Variants in GPSM1 observed in about 807,000 individuals in gnomAD.
GPSM1 encodes G protein signaling modulator 1, also known as G protein-signaling modulator 1.
A neutral mutation model predicts 70.5 loss-of-function variants in GPSM1; 48 were observed. That is an observed-to-expected ratio of 0.68 (90% CI 0.54 to 0.87). The LOEUF (loss-of-function observed/expected upper bound fraction) is 0.87. GPSM1 is among the 40% of genes least tolerant of loss of function. GPSM1 has a pLI of 0.00. For missense variants in GPSM1, 981 were observed against 972.6 expected (o/e 1.01, Z -0.11); for synonymous variants, 416 against 430.1 (o/e 0.97, Z 0.41).
chr9:136,349,931 G>C (rs1239552134), intron 11 of GPSM1, among the ~76,000 whole-genome samples, 168 bp downstream of exon 11: 4 of 152,210 alleles, frequency 2.6e-5, no homozygotes, highest in African/African-American at 9.6e-5. Context: ...CCCGGTGGGG[G>C]CTCTGGGCAG....
At position 136,358,857 on chromosome 9, in the gene GPSM1, G is replaced by A. The variant is rs1302719366; in HGVS notation, c.*637G>A. On this transcript the variant is annotated 3_prime_UTR_variant, in exon 14 of 14. Coordinates refer to ENST00000440944, the MANE Select transcript of GPSM1 (RefSeq NM_001145638.3). ...CAGGGCCCTGCAGGGGCCTCGACAG[G>A]AGCCGGGCCTATCTCTAAAGCAGAG... 6.5e-6 allele frequency: 1 copy of A among 153,578 alleles called. No homozygotes were observed. Among genetic ancestry groups the A allele is most frequent in the Non-Finnish European group, 1.4e-5 (1 of 69,074 alleles). The allele number at this position is 153,578 out of a possible 1,614,324, so 9.5% of individuals were successfully genotyped here.
intron 13 of GPSM1, among the ~76,000 whole-genome samples, chr9:136,357,235 AG>A (rs1389139158): frequency 5.3e-5 from 8 of 152,174 alleles, no homozygotes; most frequent in Non-Finnish European, 1.5e-5. Context: ...GAAGGGGTTC[AG>A]GGTCCGTAGA....
Position 136,358,291 on chromosome 9 carries a change from C to A in GPSM1, c.*71C>A. On this transcript the variant is annotated 3_prime_UTR_variant, in exon 14 of 14. Transcript: ENST00000440944. ...GCCGGTCTCACAGTCACAGCCACGT[C>A]CTCCCGAGGCCATTGCCGAGGACAG... 1 of 1,320,404 alleles carries A rather than the reference C, an allele frequency of 7.6e-7. No individual in the cohort carries two copies. The allele number at this position is 1,320,404 out of a possible 1,614,324, so 81.8% of individuals were successfully genotyped here.
intron 11 of GPSM1, among the ~76,000 whole-genome samples, chr9:136,354,482 T>C (rs1832758061): frequency 6.6e-6 from 1 of 152,226 alleles, no homozygotes; most frequent in Non-Finnish European, 1.5e-5. Context: ...ATTGCGTCTC[T>C]TGTTAACTCG....
chr9:136,331,378 C>G (rs1236874918), intron 1 of GPSM1, among the ~76,000 whole-genome samples: 2 of 149,640 alleles, frequency 1.3e-5, no homozygotes, highest in African/African-American at 4.9e-5. Flanking sequence ...CCCCCCCCCG[C>G]TGCCCCATGC....
chr9:136,338,085 TG>T, intron 6 of GPSM1, 124 bp downstream of exon 6: 1 of 677,436 alleles, frequency 1.5e-6, no homozygotes, highest in Non-Finnish European at 2.5e-6. Flanking sequence ...GAAGGCAAGG[TG>T]GGGTTCTAGG....
At chr9:136,350,371 T>C (rs551647870) in intron 11 of GPSM1, among the ~76,000 whole-genome samples, 12 of 152,244 alleles carry the variant, frequency 7.9e-5, no homozygotes, top group African/African-American at 2.9e-4. Context: ...CTGGGATCTC[T>C]GACACCTGGC....
intron 9 of GPSM1, among the ~76,000 whole-genome samples, chr9:136,344,187 C>G (rs1316979955): frequency 6.1e-5 from 3 of 49,072 alleles, no homozygotes; most frequent in Non-Finnish European, 1.1e-4. Context: ...CGGACAGGAG[C>G]GGGGGGAGGC....
At chr9:136,332,434 G>A (rs111368544) in intron 1 of GPSM1, among the ~76,000 whole-genome samples, 25 of 152,362 alleles carry the variant, frequency 1.6e-4, no homozygotes, top group African/African-American at 3.4e-4. Context: ...GAAGGGAGGC[G>A]GGAGGTGGCT....
chr9:136,337,999 C>A, intron 6 of GPSM1, 38 bp downstream of exon 6: 2 of 1,363,230 alleles, frequency 1.5e-6, no homozygotes, highest in Non-Finnish European at 2.1e-6. Flanking sequence ...AGACAGCAGG[C>A]CGGGGGGGCT....
chr9:136,344,044 G>A (rs868941396), intron 9 of GPSM1, among the ~76,000 whole-genome samples: 1 of 152,196 alleles, frequency 6.6e-6, no homozygotes. Flanking sequence ...GCTGAGCCGC[G>A]TCCAGCAGCT....
intron 1 of GPSM1, 27 bp from the exon 2 acceptor site, chr9:136,334,420 G>C (rs781910917): frequency 1.3e-6 from 2 of 1,583,780 alleles, no homozygotes; most frequent in Non-Finnish European, 1.7e-6. Flanking sequence ...CCAGGGCTGG[G>C]CCATGACGCC....
rs563511997 is a variant in GPSM1 at position 136,340,326 on chromosome 9, G to C, written c.1083+511G>C. ...GAGAGGGGCGGGCATGGGAAGGTCA[G>C]CAGAGCCCTCGTCTGAAGAGCTTCA... On this transcript the variant is annotated intron_variant, in intron 8 of 13. Coordinates refer to ENST00000440944, the MANE Select transcript of GPSM1 (RefSeq NM_001145638.3). The surrounding 1 kb of genome is among the most constrained non-coding windows in gnomAD (Gnocchi z 7.3). 6.6e-6 allele frequency among the ~76,000 whole-genome samples: 1 copy of C among 152,240 alleles called. No individual in the cohort carries two copies. The highest frequency in any genetic ancestry group is 2.1e-4 in the South Asian group (1 of 4,820).
At position 136,348,826 on chromosome 9, in the gene GPSM1, G is replaced by A. The variant is rs1832588530; in HGVS notation, c.1278+59G>A. The A allele has an allele frequency of 1.2e-5, 16 of 1,325,876 alleles. No individual in the cohort carries two copies. The South Asian group carries it at 1.6e-4, about 13-fold the overall frequency. The allele number at this position is 1,325,876 out of a possible 1,614,324, so 82.1% of individuals were successfully genotyped here. A position where few individuals can be genotyped will look rare whatever the true frequency, so the allele number is the denominator to read the frequency against. ...GCCGCTGCCAGAGCATGGGCAGCGGGGTTAATGAGGCAGAGCCACCGCCAC... is the reference window on the plus strand; with the variant it reads ...GCCGCTGCCAGAGCATGGGCAGCGGAGTTAATGAGGCAGAGCCACCGCCAC... On this transcript the variant is annotated intron_variant, in intron 10 of 13. Coordinates refer to ENST00000440944, the MANE Select transcript of GPSM1 (RefSeq NM_001145638.3).
Position 136,339,704 on chromosome 9 carries a change from C to T in GPSM1, c.975-3C>T. 5 of 1,545,716 alleles carry T rather than the reference C, an allele frequency of 3.2e-6. No individual in the cohort carries two copies. The highest frequency in any genetic ancestry group is 4.4e-6 in the Non-Finnish European group (5 of 1,142,784). On this transcript the variant is annotated splice_region_variant and splice_polypyrimidine_tract_variant and intron_variant, in intron 7 of 13. Transcript: ENST00000440944. The stretch of plus-strand genomic sequence containing the variant: ...GTATGAATCTGGTCTCCCTCTCTGG[C>T]AGAGTGGGCGAGGGCCGGGCGTGCT...
chr9:136,354,191 G>A lies in GPSM1; in HGVS notation c.1456-1499G>A, dbSNP rs529467545. ...CTCTCCTAAAACAGGGCTGTCCACAGGGCCCTCGGCTCAGCTCAAGGGTCT... is the reference window on the plus strand; with the variant it reads ...CTCTCCTAAAACAGGGCTGTCCACAAGGCCCTCGGCTCAGCTCAAGGGTCT... On this transcript the variant is annotated intron_variant, in intron 11 of 13. Coordinates refer to ENST00000440944, the MANE Select transcript of GPSM1 (RefSeq NM_001145638.3). Among the ~76,000 whole-genome samples the A allele has an allele frequency of 1.6e-4, 24 of 152,322 alleles. No individual in the cohort carries two copies. The East Asian group carries it at 4.6e-3, about 29-fold the overall frequency.
At chr9:136,337,418 G>T in intron 4 of GPSM1, 23 bp from the exon 5 acceptor site, 1 of 1,565,616 alleles carries the variant, frequency 6.4e-7, no homozygotes. Context: ...GAGGGACACG[G>T]CTCAGAGGCA....
chr9:136,347,123 T>A (rs1832541679), intron 9 of GPSM1, among the ~76,000 whole-genome samples: 2 of 151,876 alleles, frequency 1.3e-5, no homozygotes, highest in African/African-American at 4.8e-5. Flanking sequence ...AGCTTCACTT[T>A]AGGAGCTGAG....
chr9:136,338,754 A>G (rs1832314927), intron 7 of GPSM1, 44 bp downstream of exon 7: 2 of 1,510,130 alleles, frequency 1.3e-6, no homozygotes, highest in Admixed American at 4.1e-5. Flanking sequence ...CCCGGCCCAC[A>G]GGCTGAATTA....
Sources: gnomAD v4.1 joint callset for allele counts (sites outside exome capture counted in the v4.1 genomes callset) on GRCh38, gnomAD v4.1.1 for gene constraint, Gnocchi (gnomAD v3.1) non-coding constraint, MANE v1.5 for transcripts, NCBI Gene and HGNC (gene_info 2026-07-23, HGNC 2026-07-21) for gene names.